GABRG3: variants seen among roughly 807,000 people sequenced by gnomAD.
GABRG3 encodes the protein gamma-aminobutyric acid type A receptor subunit gamma3, also known as gamma-aminobutyric acid receptor subunit gamma-3.
Under a neutral mutation model 48.8 loss-of-function variants are expected in GABRG3, and 25 were observed. The ratio of observed to expected loss-of-function variants is 0.51; its 90% CI spans 0.37 to 0.72. GABRG3 has a LOEUF of 0.72. Ranked by LOEUF, GABRG3 falls within the 30% of genes least tolerant of loss-of-function variation. GABRG3 has a pLI of 0.00. For synonymous variants in GABRG3, 227 were observed against 217.6 expected (o/e 1.04, Z -0.38); for missense variants, 394 against 577.9 (o/e 0.68, Z 3.26).
intron 5 of GABRG3, among the ~76,000 whole-genome samples, chr15:27,381,276 T>C (rs1284219065): frequency 6.6e-6 from 1 of 152,230 alleles, no homozygotes; most frequent in Non-Finnish European, 1.5e-5. Flanking sequence ...TACTTGAAGG[T>C]AGGCCTCGTT....
In GABRG3 at chr15:27,521,402, T is replaced by C. The variant is rs553208242; in HGVS notation, c.865+1278T>C. On this transcript the variant is annotated intron_variant, in intron 7 of 9. Coordinates refer to ENST00000615808, the MANE Select transcript of GABRG3 (RefSeq NM_033223.5). ...GAGAACCATCAGTAAATTAACTGTT[T>C]GTCAGAAGAATTCAAAGAGCTTCTT... Among the ~76,000 whole-genome samples the C allele has an allele frequency of 4.7e-4, 72 of 152,250 alleles. 1 individual carries two copies. The South Asian group carries it at 0.014, about 31-fold the overall frequency.
rs1164617270 is a variant in GABRG3, at chr15:27,121,020, G to GT, written c.270+94199_270+94200insT. On this transcript the variant is annotated intron_variant, in intron 3 of 9. Transcript: ENST00000615808. ...CCACAGCCTGGCATTCAGAGAGTCT[G>GT]CTGCCTTGGGGAAGGAATGCCATTC... 1.5e-4 allele frequency among the ~76,000 whole-genome samples: 23 copies of GT among 152,280 alleles called. 1 individual carries two copies. The South Asian group carries it at 3.9e-3, about 26-fold the overall frequency.
At chr15:27,439,215 C>T (rs1888708657) in intron 5 of GABRG3, among the ~76,000 whole-genome samples, 1 of 152,152 alleles carries the variant, frequency 6.6e-6, no homozygotes, top group African/African-American at 2.4e-5. Flanking sequence ...TCACAATACT[C>T]CCCCAAGTCA....
intron 2 of GABRG3, among the ~76,000 whole-genome samples, chr15:27,002,532 T>C (rs1895468310): frequency 6.6e-6 from 1 of 152,158 alleles, no homozygotes; most frequent in East Asian, 1.9e-4. Flanking sequence ...TTCATTTTTT[T>C]CTTTAGATAT....
chr15:27,391,161 A>C (rs1217507983), intron 5 of GABRG3, among the ~76,000 whole-genome samples: 2 of 152,068 alleles, frequency 1.3e-5, no homozygotes, highest in Non-Finnish European at 2.9e-5. Flanking sequence ...TGTTCACATA[A>C]TATTCAGCAG....
At chr15:27,183,565 C>A (rs1022317118) in intron 3 of GABRG3, among the ~76,000 whole-genome samples, 1 of 152,172 alleles carries the variant, frequency 6.6e-6, no homozygotes, top group Non-Finnish European at 1.5e-5. Context: ...CTGTTGAAGG[C>A]TGTTTGCCTA....
At chr15:27,332,571 G>A (rs918540200) in intron 5 of GABRG3, among the ~76,000 whole-genome samples, 1 of 151,930 alleles carries the variant, frequency 6.6e-6, no homozygotes, top group African/African-American at 2.4e-5. Context: ...AAAGTGAAGT[G>A]GTGTCCCTGT....
chr15:27,183,781 C>T (rs892697865), intron 3 of GABRG3, among the ~76,000 whole-genome samples: 16 of 152,284 alleles, frequency 1.1e-4, no homozygotes, highest in African/African-American at 3.4e-4. Flanking sequence ...CAATTTTAAG[C>T]GTATTAATCA....
At chr15:27,503,471 T>C (rs948339306) in intron 6 of GABRG3, among the ~76,000 whole-genome samples, 7 of 152,188 alleles carry the variant, frequency 4.6e-5, no homozygotes, top group African/African-American at 1.7e-4. Context: ...AGGAATCCTG[T>C]ATCAGTGGAA....
chr15:27,320,739 A>ATCT lies in GABRG3; in HGVS notation c.271-6070_271-6069insTCT, dbSNP rs1431123029. Among the ~76,000 whole-genome samples, 8 of 152,312 alleles carry ATCT rather than the reference A, an allele frequency of 5.3e-5. No individual in the cohort carries two copies. In the East Asian group the frequency reaches 1.5e-3, roughly 29 times the overall value. On this transcript the variant is annotated intron_variant, in intron 3 of 9. Transcript: ENST00000615808. ...ATGAAGGAGGGCCAGTGGTCAGATT[A>ATCT]ATAAAAATAAGATCTATTCCTTTTA...
At chr15:27,078,039 G>A (rs1266230531) in intron 3 of GABRG3, among the ~76,000 whole-genome samples, 1 of 152,212 alleles carries the variant, frequency 6.6e-6, no homozygotes, top group Non-Finnish European at 1.5e-5. Context: ...ACACACAGAC[G>A]GGGCTTTCCT....
At chr15:27,263,857 C>T (rs1261503753) in intron 3 of GABRG3, among the ~76,000 whole-genome samples, 4 of 149,962 alleles carry the variant, frequency 2.7e-5, no homozygotes, top group Non-Finnish European at 4.4e-5. Context: ...ACCTGGGAGG[C>T]GGAGCTTGTA....
chr15:27,147,487 A>G (rs1898230229), intron 3 of GABRG3, among the ~76,000 whole-genome samples: 1 of 152,102 alleles, frequency 6.6e-6, no homozygotes, highest in South Asian at 2.1e-4. Flanking sequence ...GTACAACCCA[A>G]TGACAGTGGA....
At position 27,179,923 on chromosome 15, in the gene GABRG3, C is replaced by G. The variant is rs1358815872; in HGVS notation, c.271-146886C>G. Among the ~76,000 whole-genome samples, 1 of 152,210 alleles carries G rather than the reference C, an allele frequency of 6.6e-6. No individual in the cohort carries two copies. ...GTTACCAGATTGTTCTCTTGATTCA[C>G]AGTTCATCGCCTCCTAGATGAGGCT... On this transcript the variant is annotated intron_variant, in intron 3 of 9. Coordinates refer to ENST00000615808, the MANE Select transcript of GABRG3 (RefSeq NM_033223.5). This position sits in a 1 kb window ranked among gnomAD's most constrained non-coding sequence, Gnocchi z 4.0.
At chr15:27,356,371 CG>C (rs1034632443) in intron 5 of GABRG3, among the ~76,000 whole-genome samples, 22 of 152,170 alleles carry the variant, frequency 1.4e-4, no homozygotes, top group Non-Finnish European at 2.9e-4. Flanking sequence ...CTACATCTCC[CG>C]CTGGGCCTCA....
chr15:27,268,972 T>C (rs1891001438), intron 3 of GABRG3, among the ~76,000 whole-genome samples: 1 of 152,216 alleles, frequency 6.6e-6, no homozygotes, highest in Admixed American at 6.5e-5. Flanking sequence ...TCGTACACTG[T>C]TGCCCAGGGT....
rs190203664 is a variant in GABRG3, at chr15:27,140,196, T to C, written c.270+113375T>C. On this transcript the variant is annotated intron_variant, in intron 3 of 9. Transcript: ENST00000615808. Reference sequence around the variant, plus strand: ...AATAGGGGGTTGTGGGACTCCTAACTTGAAGCTGGCTGAGGGCCTGGACTT... The same window carrying C: ...AATAGGGGGTTGTGGGACTCCTAACCTGAAGCTGGCTGAGGGCCTGGACTT... Among the ~76,000 whole-genome samples the C allele has an allele frequency of 7.2e-5, 11 of 152,280 alleles. No individual in the cohort carries two copies. In the East Asian group the frequency reaches 1.9e-3, roughly 27 times the overall value.
intron 6 of GABRG3, among the ~76,000 whole-genome samples, chr15:27,500,124 CAG>C (rs1377936429): frequency 6.6e-6 from 1 of 152,134 alleles, no homozygotes; most frequent in African/African-American, 2.4e-5. Flanking sequence ...TTGAGCTGGG[CAG>C]AGAGTGACCA....
At chr15:27,331,556 T>C (rs1697903178) in intron 5 of GABRG3, among the ~76,000 whole-genome samples, 1 of 152,270 alleles carries the variant, frequency 6.6e-6, no homozygotes, top group South Asian at 2.1e-4. Flanking sequence ...GCGGAAACAA[T>C]AGAAAGGTCA....
Sources: gnomAD v4.1 joint callset for allele counts (sites outside exome capture counted in the v4.1 genomes callset) on GRCh38, gnomAD v4.1.1 for gene constraint, Gnocchi (gnomAD v3.1) non-coding constraint, MANE v1.5 for transcripts, NCBI Gene and HGNC (gene_info 2026-07-23, HGNC 2026-07-21) for gene names.